MYO1F: variants seen among roughly 807,000 people sequenced by gnomAD.
MYO1F encodes unconventional myosin-If.
Under a neutral mutation model 146.6 loss-of-function variants are expected in MYO1F, and 60 were observed. That is an observed-to-expected ratio of 0.41 (90% CI 0.33 to 0.51). MYO1F has a LOEUF of 0.51. Among genes scored for constraint, MYO1F ranks in the 20% least tolerant of loss-of-function variants. The pLI is 0.25. For synonymous variants in MYO1F, 602 were observed against 602.1 expected, an observed-to-expected ratio of 1.00 and a Z score of 0.00; for missense variants, 1,274 against 1,534.3, an observed-to-expected ratio of 0.83 and a Z score of 2.83.
At chr19:8,551,107 A>G (rs1973587117) in intron 8 of MYO1F, among the ~76,000 whole-genome samples, 2 of 150,288 alleles carry the variant, frequency 1.3e-5, no homozygotes, top group Non-Finnish European at 1.5e-5. Flanking sequence ...GCGGGAGTGC[A>G]GCGGCGCTAT....
intron 13 of MYO1F, 151 bp from the exon 14 acceptor site, chr19:8,544,615 CA>C (rs1973260426): frequency 3.6e-6 from 3 of 838,390 alleles, no homozygotes; most frequent in Non-Finnish European, 5.6e-6. Flanking sequence ...GCTTCAAATA[CA>C]AGCACAAAAG....
Position 8,536,302 on chromosome 19 carries a change from C to T in MYO1F, c.1993G>A (p.Asp665Asn), listed in dbSNP as rs373362851. Residue 665 changes from aspartate to asparagine, a missense_variant, in exon 19 of 28, where the codon GAC becomes AAC. Physicochemically the swap from Asp to Asn is conservative, Grantham distance 23 (BLOSUM62 1). Transcript: ENST00000644032. ...TTGGTGCTCCCCATCTGGTACTGGT[C>T]GGGCTCCATGTTGACCGCCCGAAGC... is the stretch of plus-strand genomic sequence containing the variant. ...HLLRAVNMEP[D>N]QYQMGSTKVF... 1.8e-5 allele frequency: 29 copies of T among 1,608,208 alleles called. No individual in the cohort carries two copies. Among genetic ancestry groups the T allele is most frequent in the Admixed American group, 3.3e-5 (2 of 59,964 alleles).
At chr19:8,576,321 G>A (rs894234383) in intron 1 of MYO1F, 2 of 152,242 alleles carry the variant, frequency 1.3e-5, no homozygotes, top group Non-Finnish European at 2.9e-5. Flanking sequence ...CTGAAAGAAG[G>A]TGTTGTCTCT....
rs1488746874 is a variant in MYO1F at position 8,525,579 on chromosome 19, A to G, written c.2771-17T>C. The G allele has an allele frequency of 1.9e-6, 3 of 1,607,602 alleles. No individual in the cohort carries two copies. Among genetic ancestry groups the G allele is most frequent in the Admixed American group, 1.7e-5 (1 of 59,898 alleles). On this transcript the variant is annotated splice_polypyrimidine_tract_variant and intron_variant, in intron 24 of 27. Transcript: ENST00000644032. ...GCGTAGGCTCTGAAAGAAGAGTGTC[A>G]GGGAGTTGAATGACAGACAGACCAC...
intron 4 of MYO1F, 37 bp from the exon 5 acceptor site, chr19:8,553,474 G>A: frequency 6.3e-7 from 1 of 1,578,944 alleles, no homozygotes; most frequent in South Asian, 1.1e-5. Flanking sequence ...TCAGTGGTTG[G>A]GGAAGAGCCC....
intron 19 of MYO1F, among the ~76,000 whole-genome samples, chr19:8,533,273 C>T (rs1006379982): frequency 1.3e-5 from 2 of 151,926 alleles, no homozygotes; most frequent in African/African-American, 4.8e-5. Context: ...AAGGAATCTA[C>T]CAGCCTTGAC....
intron 1 of MYO1F, among the ~76,000 whole-genome samples, chr19:8,565,266 G>A (rs1017392091): frequency 1.3e-5 from 2 of 152,086 alleles, no homozygotes; most frequent in Non-Finnish European, 2.9e-5. Context: ...GGGCAGGTTG[G>A]GTGCAGTAGC....
At chr19:8,551,026 G>A (rs1235164099) in intron 8 of MYO1F, among the ~76,000 whole-genome samples, 7 of 150,620 alleles carry the variant, frequency 4.6e-5, no homozygotes, top group East Asian at 4.0e-4. Flanking sequence ...GATTACAGGC[G>A]TGAGCGTCGT....
chr19:8,552,266 C>A, intron 6 of MYO1F, 102 bp from the exon 7 acceptor site: 1 of 1,120,478 alleles, frequency 8.9e-7, no homozygotes, highest in Non-Finnish European at 1.3e-6. Flanking sequence ...TCCCTTCTTC[C>A]TTTTTTTTTT....
intron 1 of MYO1F, among the ~76,000 whole-genome samples, chr19:8,574,642 T>C (rs2042194967): frequency 1.9e-5 from 1 of 53,028 alleles, no homozygotes; most frequent in Non-Finnish European, 4.2e-5. Context: ...TCTTTCTTTC[T>C]TTCCTTTCTT....
intron 14 of MYO1F, 41 bp from the exon 15 acceptor site, chr19:8,542,032 C>A: frequency 6.4e-7 from 1 of 1,564,644 alleles, no homozygotes; most frequent in Middle Eastern, 1.7e-4. Context: ...GACTGAGAAA[C>A]CTGGCTGGGA....
At chr19:8,522,869 T>A (rs1223858675) in intron 25 of MYO1F, 40 bp from the exon 26 acceptor site, 2 of 1,516,860 alleles carry the variant, frequency 1.3e-6, no homozygotes, top group Admixed American at 3.9e-5. Flanking sequence ...ATTAGGGTGA[T>A]GCTAGGAGGA....
At chr19:8,563,675 AT>A (rs978357366) in intron 1 of MYO1F, among the ~76,000 whole-genome samples, 2 of 150,314 alleles carry the variant, frequency 1.3e-5, no homozygotes, top group African/African-American at 2.4e-5. Flanking sequence ...CGCCCAGCTA[AT>A]TTTTTTTGTA....
intron 1 of MYO1F, among the ~76,000 whole-genome samples, chr19:8,556,056 T>G (rs1458896026): frequency 1.3e-5 from 2 of 151,118 alleles, no homozygotes; most frequent in Non-Finnish European, 2.9e-5. Context: ...TGAGACAGAG[T>G]CTCACTCTGT....
At chr19:8,544,006 C>A in intron 14 of MYO1F, 3 of 169,118 alleles carry the variant, frequency 1.8e-5, no homozygotes, top group Non-Finnish European at 3.2e-5. Flanking sequence ...CTGGTGGTGG[C>A]GGTGGCGGTG....
chr19:8,532,903 T>TACACACACACAC (rs60799506), intron 19 of MYO1F, among the ~76,000 whole-genome samples: 155 of 113,164 alleles, frequency 1.4e-3, no homozygotes, highest in Non-Finnish European at 2.2e-3. Context: ...AAAAAAAAAA[T>TACACACACACAC]ACACACACAC....
intron 1 of MYO1F, among the ~76,000 whole-genome samples, chr19:8,557,049 G>A (rs1196894870): frequency 1.3e-5 from 2 of 152,204 alleles, no homozygotes; most frequent in African/African-American, 4.8e-5. Flanking sequence ...ACTTTGGGAG[G>A]CCGAGGCGGG....
At position 8,521,493 on chromosome 19, in the gene MYO1F, C is replaced by G. The variant is rs200910214; in HGVS notation, c.*35G>C. ...CCCACCAGGCCGGCAGGCAGATAGG[C>G]GGGCGAAAGAGAAGGCAGTATCCCA... On this transcript the variant is annotated 3_prime_UTR_variant, in exon 28 of 28. Transcript: ENST00000644032. 6.3e-7 allele frequency: 1 copy of G among 1,596,414 alleles called. No individual in the cohort carries two copies. Among genetic ancestry groups the G allele is most frequent in the Non-Finnish European group, 8.5e-7 (1 of 1,170,820 alleles).
chr19:8,539,322 G>A (rs1031468245), intron 16 of MYO1F, among the ~76,000 whole-genome samples: 2 of 151,846 alleles, frequency 1.3e-5, no homozygotes, highest in African/African-American at 4.8e-5. Context: ...GCTGAGGCAG[G>A]AGAATCACTT....
Sources: gnomAD v4.1 joint callset for allele counts (sites outside exome capture counted in the v4.1 genomes callset) on GRCh38, gnomAD v4.1.1 for gene constraint, MANE v1.5 for transcripts, NCBI Gene and HGNC (gene_info 2026-07-23, HGNC 2026-07-21) for gene names.